The following CSTF3 variants were observed in gnomAD, a reference collection of about 807,000 sequenced individuals.
CSTF3 encodes the protein cleavage stimulation factor subunit 3, also known as CF-1 77 kDa subunit.
CSTF3 carries 29 observed loss-of-function variants against 105.8 expected under a neutral mutation model. That is an observed-to-expected ratio of 0.27 (90% CI 0.20 to 0.37). The LOEUF (loss-of-function observed/expected upper bound fraction) is 0.37. Ranked by LOEUF, CSTF3 falls within the 10% of genes least tolerant of loss-of-function variation. The pLI, the probability that CSTF3 is intolerant of heterozygous loss-of-function variation, is 1.00. For missense variants in CSTF3, 357 were observed against 879.3 expected (o/e 0.41, Z 7.51); for synonymous variants, 252 against 281.9 (o/e 0.89, Z 1.06).
chr11:33,135,253 A>G (rs1476661901), intron 3 of CSTF3, among the ~76,000 whole-genome samples: 1 of 152,212 alleles, frequency 6.6e-6, no homozygotes, highest in Non-Finnish European at 1.5e-5. Context: ...TAACAGTTAC[A>G]ATATACTAAG....
chr11:33,154,491 CT>C (rs34462847), intron 1 of CSTF3, among the ~76,000 whole-genome samples: 16,986 of 60,854 alleles, frequency 0.28, 2,767 homozygotes, highest in African/African-American at 0.51. Flanking sequence ...GTAAGACTTT[CT>C]TTTTTTTTTT....
rs748882607 is a variant in CSTF3 at position 33,085,771 on chromosome 11, A to T, written c.1893T>A (p.Gly631=). 1 of 1,613,618 alleles carries T rather than the reference A, an allele frequency of 6.2e-7. No homozygotes were observed. The change falls in exon 20 of 21, where the codon GGT becomes GGA. Residue 631 remains glycine, a splice_region_variant and synonymous_variant. Transcript: ENST00000323959. ...TCAGTTCATCCACTTGTACAAAAGG[A>T]CCCTATTTTTGACATGAATAAATTT... ...KLLPPPICFQ[G]PFVQVDELME... is the part of the protein sequence containing the mutation.
chr11:33,128,430 C>T (rs1855566838), intron 3 of CSTF3, among the ~76,000 whole-genome samples: 1 of 151,680 alleles, frequency 6.6e-6, no homozygotes, highest in Non-Finnish European at 1.5e-5. Context: ...GAAGCTTCCA[C>T]AGTCATTTAA....
Position 33,087,020 on chromosome 11 carries a change from T to C in CSTF3, c.1763A>G (p.Gln588Arg). 6.2e-7 allele frequency: 1 copy of C among 1,614,136 alleles called. No homozygotes were observed. Among genetic ancestry groups the C allele is most frequent in the Non-Finnish European group, 8.5e-7 (1 of 1,179,994 alleles). Reference protein sequence around the residue: ...KPEYPKPDTQQMIPFQPRHLA... With the variant: ...KPEYPKPDTQRMIPFQPRHLA... ...ATGTCGTGGCTGAAATGGAATCATC[T>C]GCTGAGTGTCTGGTTTAGGGTATTC... Residue 588 changes from glutamine to arginine, a missense_variant, in exon 18 of 21, where the codon CAG becomes CGG. Around this residue, in one of 4 missense-constraint regions of CSTF3, gnomAD observed 206 missense variants for 576.5 expected, o/e 0.36. Transcript: ENST00000323959.
At chr11:33,150,034 A>AAACAACAACAACAAC (rs113266998) in intron 1 of CSTF3, among the ~76,000 whole-genome samples, 2 of 148,286 alleles carry the variant, frequency 1.3e-5, no homozygotes, top group African/African-American at 5.0e-5. Context: ...CAAAACAAAC[A>AAACAACAACAACAAC]AACAACAACA....
intron 16 of CSTF3, 85 bp downstream of exon 16, chr11:33,092,186 C>G (rs1855176220): frequency 2.4e-6 from 2 of 844,852 alleles, no homozygotes; most frequent in Admixed American, 6.0e-5. Flanking sequence ...AACTCATACT[C>G]AAGCAAACAT....
rs117854987 is a variant in CSTF3, at chr11:33,161,395, A to G, written c.-70T>C. On this transcript the variant is annotated 5_prime_UTR_variant, in exon 1 of 21. Transcript: ENST00000323959. ...CTAGAAAAGAAAAATTAAACTAAAA[A>G]CCACCCCCAAATCAGTAAAGTTACC... 3.6e-3 allele frequency: 5,644 copies of G among 1,562,610 alleles called. 168 individuals carry two copies. The East Asian group carries it at 0.071, about 20-fold the overall frequency.
chr11:33,087,980 C>CT (rs1213774883), intron 17 of CSTF3, among the ~76,000 whole-genome samples: 3 of 152,090 alleles, frequency 2.0e-5, no homozygotes, highest in Non-Finnish European at 4.4e-5. Context: ...CAGTGTTACT[C>CT]TGTCTGTCTA....
At chr11:33,113,401 G>A (rs773599673) in intron 3 of CSTF3, among the ~76,000 whole-genome samples, 21 of 150,942 alleles carry the variant, frequency 1.4e-4, no homozygotes, top group South Asian at 6.3e-4. Flanking sequence ...CTGTAATCCC[G>A]GCTGCTTGGG....
At chr11:33,132,402 G>T (rs550980853) in intron 3 of CSTF3, among the ~76,000 whole-genome samples, 95 of 152,014 alleles carry the variant, frequency 6.2e-4, no homozygotes, top group African/African-American at 2.3e-3. Context: ...AAAAAAAAAG[G>T]TATTTTAGAG....
chr11:33,160,609 TCTAAC>T (rs1849927814), intron 1 of CSTF3, among the ~76,000 whole-genome samples: 1 of 152,188 alleles, frequency 6.6e-6, no homozygotes, highest in African/African-American at 2.4e-5. Context: ...ATCACACTGA[TCTAAC>T]CTAAAAGTGT....
chr11:33,088,249 T>C (rs1855128197), intron 17 of CSTF3, among the ~76,000 whole-genome samples: 1 of 151,150 alleles, frequency 6.6e-6, no homozygotes, highest in South Asian at 2.1e-4. Flanking sequence ...ATGGAAAACA[T>C]CATATTCAGG....
At position 33,149,670 on chromosome 11, in the gene CSTF3, G is replaced by A. The variant is rs149804429; in HGVS notation, c.28-7684C>T. ...AGGCCGAGACGGGCAGATCACTCGAGGTCAGGAGTTCAAGACCAGTCTGGC... is the reference window on the plus strand; with the variant it reads ...AGGCCGAGACGGGCAGATCACTCGAAGTCAGGAGTTCAAGACCAGTCTGGC... On this transcript the variant is annotated intron_variant, in intron 1 of 20. Transcript: ENST00000323959. Among the ~76,000 whole-genome samples, 600 of 152,304 alleles carry A rather than the reference G, an allele frequency of 3.9e-3. 4 individuals carry two copies. The highest frequency in any genetic ancestry group is 7.3e-3 in the Non-Finnish European group (494 of 68,028).
intron 3 of CSTF3, among the ~76,000 whole-genome samples, chr11:33,118,384 C>T (rs1855455059): frequency 6.6e-6 from 1 of 151,908 alleles, no homozygotes; most frequent in African/African-American, 2.4e-5. Context: ...TTTATAGACT[C>T]AGCCTACTTT....
chr11:33,133,059 T>C (rs554361591), intron 3 of CSTF3, among the ~76,000 whole-genome samples: 8 of 152,138 alleles, frequency 5.3e-5, no homozygotes, highest in Non-Finnish European at 1.0e-4. Context: ...AATGATTTTA[T>C]ATTTGACAAA....
intron 3 of CSTF3, among the ~76,000 whole-genome samples, chr11:33,111,947 T>TA (rs1855383573): frequency 6.6e-6 from 1 of 152,126 alleles, no homozygotes; most frequent in Non-Finnish European, 1.5e-5. Flanking sequence ...CATCATTCAT[T>TA]AAAAAAATAC....
chr11:33,101,259 C>T (rs1022601496), intron 10 of CSTF3, among the ~76,000 whole-genome samples: 12 of 152,206 alleles, frequency 7.9e-5, no homozygotes, highest in Admixed American at 3.3e-4. Flanking sequence ...AGCCAGATCC[C>T]GAAAATCTGG....
rs1279027376 is a variant in CSTF3, at chr11:33,099,988, G to A, written c.827-271C>T. ...GGTTCACTGCAGCCTCGACCTCCTG[G>A]GCTCAAGTGGTTTTCCTGCCTCAGC... On this transcript the variant is annotated intron_variant, in intron 10 of 20. Coordinates refer to ENST00000323959, the MANE Select transcript of CSTF3 (RefSeq NM_001326.3). The surrounding 1 kb of genome is among the most constrained non-coding windows in gnomAD (Gnocchi z 4.1). Among the ~76,000 whole-genome samples the A allele has an allele frequency of 6.6e-6, 1 of 152,062 alleles. No homozygotes were observed. Among genetic ancestry groups the A allele is most frequent in the African/African-American group, 2.4e-5 (1 of 41,404 alleles).
chr11:33,153,009 C>T (rs1849807820), intron 1 of CSTF3, among the ~76,000 whole-genome samples: 1 of 151,586 alleles, frequency 6.6e-6, no homozygotes, highest in African/African-American at 2.4e-5. Flanking sequence ...TCTATCATTA[C>T]TCACATAAGA....
Sources: allele counts gnomAD v4.1 joint callset (sites outside exome capture counted in the v4.1 genomes callset), GRCh38; gene constraint gnomAD v4.1.1; regional missense constraint gnomAD v4.1.1; non-coding constraint Gnocchi (gnomAD v3.1); transcripts MANE v1.5; gene names NCBI Gene and HGNC (gene_info 2026-07-23, HGNC 2026-07-21).